HPSE2: variants seen among roughly 807,000 people sequenced by gnomAD.
HPSE2 encodes heparanase 2 (inactive).
A neutral mutation model predicts 60.5 loss-of-function variants in HPSE2; 38 were observed. The ratio of observed to expected loss-of-function variants is 0.63; its 90% CI spans 0.48 to 0.82. The LOEUF (loss-of-function observed/expected upper bound fraction) is 0.82, where lower values mean the gene tolerates loss of function less well. Ranked by LOEUF, HPSE2 falls within the 40% of genes least tolerant of loss-of-function variation. The pLI, the probability that HPSE2 is intolerant of heterozygous loss-of-function variation, is 0.00. For missense variants in HPSE2, 713 were observed against 740.4 expected (o/e 0.96, Z 0.43); for synonymous variants, 295 against 293.2 (o/e 1.01, Z -0.06).
intron 4 of HPSE2, among the ~76,000 whole-genome samples, chr10:98,732,398 T>C (rs1949249151): frequency 6.6e-6 from 1 of 152,134 alleles, no homozygotes; most frequent in South Asian, 2.1e-4. Context: ...GTAAAGCTAT[T>C]GTAATTAAGA....
rs1233479775 is a variant in HPSE2, at chr10:98,457,682, C to T, written c.*1892G>A. 1.3e-5 allele frequency: 2 copies of T among 152,374 alleles called. No individual in the cohort carries two copies. The highest frequency in any genetic ancestry group is 2.9e-5 in the Non-Finnish European group (2 of 68,252). The allele number at this position is 152,374 out of a possible 1,614,324, so 9.4% of individuals were successfully genotyped here. On this transcript the variant is annotated 3_prime_UTR_variant, in exon 12 of 12. Transcript: ENST00000370552. The stretch of plus-strand genomic sequence containing the variant: ...ACTTTGGCCTGTCAATCTGTTTCTT[C>T]TTTCTCTTATTTCCTACCCCCCGCC...
chr10:99,006,806 A>C (rs1362554737), intron 3 of HPSE2, among the ~76,000 whole-genome samples: 2 of 151,934 alleles, frequency 1.3e-5, no homozygotes, highest in African/African-American at 4.8e-5. Flanking sequence ...CTGCTGGGGT[A>C]GGCCTGGTAT....
At chr10:98,892,804 G>A (rs1953373275) in intron 3 of HPSE2, among the ~76,000 whole-genome samples, 1 of 152,162 alleles carries the variant, frequency 6.6e-6, no homozygotes, top group South Asian at 2.1e-4. Context: ...ACAGAAGTGA[G>A]GAGTACATTG....
At chr10:98,482,518 T>C in intron 11 of HPSE2, 118 bp downstream of exon 11, 14 of 1,273,042 alleles carry the variant, frequency 1.1e-5, no homozygotes, top group Non-Finnish European at 1.4e-5. Context: ...CCGCTCTTTG[T>C]CCTACTCCAT....
At chr10:99,038,571 C>T (rs557104441) in intron 3 of HPSE2, among the ~76,000 whole-genome samples, 43 of 152,130 alleles carry the variant, frequency 2.8e-4, no homozygotes, top group Middle Eastern at 3.4e-3. Context: ...GAGATCTTTG[C>T]AGCAATGGAA....
In HPSE2 at chr10:98,943,717, C is replaced by G. The variant is rs1192227734; in HGVS notation, c.611-199661G>C. On this transcript the variant is annotated intron_variant, in intron 3 of 11. Coordinates refer to ENST00000370552, the MANE Select transcript of HPSE2 (RefSeq NM_021828.5). Reference sequence around the variant, plus strand: ...GGACATTCAGGAAGCCTATAGAAAGCCTATGTGGTAAGGAACTAAAGCCAT... The same window carrying G: ...GGACATTCAGGAAGCCTATAGAAAGGCTATGTGGTAAGGAACTAAAGCCAT... Among the ~76,000 whole-genome samples the G allele has an allele frequency of 4.6e-5, 7 of 152,266 alleles. No homozygotes were observed. The East Asian group carries it at 1.2e-3, about 25-fold the overall frequency.
intron 3 of HPSE2, among the ~76,000 whole-genome samples, chr10:98,898,718 T>C (rs1168608869): frequency 6.6e-6 from 1 of 152,146 alleles, no homozygotes; most frequent in Non-Finnish European, 1.5e-5. Context: ...ATGCAAATTA[T>C]AGAAAACTAT....
chr10:98,824,428 ACT>A (rs994924098), intron 3 of HPSE2, among the ~76,000 whole-genome samples: 2 of 152,152 alleles, frequency 1.3e-5, no homozygotes, highest in Admixed American at 1.3e-4. Context: ...TACTAACATA[ACT>A]CAGAAAAATT....
At chr10:99,195,869 T>C (rs1236601136) in intron 2 of HPSE2, among the ~76,000 whole-genome samples, 1 of 151,974 alleles carries the variant, frequency 6.6e-6, no homozygotes, top group East Asian at 1.9e-4. Context: ...CTAAAATTTA[T>C]ATGGAACCAC....
At chr10:98,672,613 GA>G (rs1377630178) in intron 6 of HPSE2, among the ~76,000 whole-genome samples, 2 of 152,168 alleles carry the variant, frequency 1.3e-5, no homozygotes, top group Non-Finnish European at 2.9e-5. Context: ...AAAGAGAGGA[GA>G]AAGTGGACAC....
chr10:99,013,479 T>G (rs982411052), intron 3 of HPSE2: 9 of 403,466 alleles, frequency 2.2e-5, no homozygotes, highest in African/African-American at 6.6e-5. Context: ...TTATGATTAT[T>G]ATTATTATTT....
chr10:98,853,653 C>T (rs1565211414), intron 3 of HPSE2, among the ~76,000 whole-genome samples: 3 of 152,058 alleles, frequency 2.0e-5, no homozygotes. Flanking sequence ...TCCCAACTGC[C>T]CACTGTACTA....
chr10:98,530,853 G>C (rs376174242), intron 9 of HPSE2, among the ~76,000 whole-genome samples: 1 of 152,122 alleles, frequency 6.6e-6, no homozygotes, highest in Non-Finnish European at 1.5e-5. Flanking sequence ...AAGACTCCAG[G>C]AGGAGCGAGT....
intron 3 of HPSE2, among the ~76,000 whole-genome samples, chr10:98,960,023 C>T (rs1033107353): frequency 2.6e-5 from 4 of 152,098 alleles, no homozygotes; most frequent in Admixed American, 6.6e-5. Context: ...TAAACTTTGC[C>T]TCTTTCCTTC....
intron 3 of HPSE2, among the ~76,000 whole-genome samples, chr10:99,093,778 T>C (rs983354363): frequency 2.6e-5 from 4 of 152,234 alleles, no homozygotes; most frequent in African/African-American, 4.8e-5. Context: ...ACATGAATTT[T>C]GGAGGATACA....
chr10:98,568,040 A>T (rs571141679), intron 9 of HPSE2, among the ~76,000 whole-genome samples: 2 of 152,306 alleles, frequency 1.3e-5, no homozygotes, highest in Non-Finnish European at 2.9e-5. Context: ...TCTCAAAAAC[A>T]TTAGTGCAGG....
chr10:99,276,933 T>C, the HPSE2 span, among the ~76,000 whole-genome samples: 1 of 152,206 alleles, frequency 6.6e-6, no homozygotes, highest in Non-Finnish European at 1.5e-5. Context: ...ATTGAAACCA[T>C]TTATACTTCT....
At chr10:99,095,706 T>C (rs918255588) in intron 3 of HPSE2, among the ~76,000 whole-genome samples, 1 of 152,268 alleles carries the variant, frequency 6.6e-6, no homozygotes, top group Non-Finnish European at 1.5e-5. Context: ...ATCCATGTTG[T>C]AGCATGTATC....
At chr10:98,760,348 G>A (rs1404008212) in intron 3 of HPSE2, among the ~76,000 whole-genome samples, 3 of 152,036 alleles carry the variant, frequency 2.0e-5, no homozygotes, top group Admixed American at 6.6e-5. Flanking sequence ...TTGAATATAA[G>A]TGATAAGAAT....
Sources: allele counts gnomAD v4.1 joint callset (sites outside exome capture counted in the v4.1 genomes callset), GRCh38; gene constraint gnomAD v4.1.1; transcripts MANE v1.5; gene names NCBI Gene and HGNC (gene_info 2026-07-23, HGNC 2026-07-21).